The following SPMIP11 variants were observed in gnomAD, a reference collection of about 807,000 sequenced individuals.
The protein encoded by SPMIP11 is sperm microtubule inner protein 11.
the SPMIP11 span, among the ~76,000 whole-genome samples, chr12:48,727,940 A>G: frequency 3.3e-5 from 5 of 151,968 alleles, no homozygotes; most frequent in Admixed American, 3.3e-4. Flanking sequence ...GGTCCTAGCT[A>G]CTTGGGAGGC....
chr12:48,728,480 G>A, the SPMIP11 span, among the ~76,000 whole-genome samples: 7 of 152,076 alleles, frequency 4.6e-5, no homozygotes, highest in Middle Eastern at 3.2e-3. Context: ...AGGCCGAGGC[G>A]GGCGGATCAC....
the SPMIP11 span, among the ~76,000 whole-genome samples, chr12:48,755,819 T>C: frequency 2.0e-5 from 3 of 152,044 alleles, no homozygotes; most frequent in Non-Finnish European, 2.9e-5. Flanking sequence ...CCAATAACTA[T>C]TCTCAGTCTA....
At chr12:48,760,156 C>CT in the SPMIP11 span, among the ~76,000 whole-genome samples, 1 of 151,928 alleles carries the variant, frequency 6.6e-6, no homozygotes, top group African/African-American at 2.4e-5. Flanking sequence ...AGTTCTGCCT[C>CT]TTTTTTGATG....
chr12:48,746,600 C>G, the SPMIP11 span, among the ~76,000 whole-genome samples: 1 of 151,894 alleles, frequency 6.6e-6, no homozygotes, highest in Non-Finnish European at 1.5e-5. Context: ...CCCCTGACCC[C>G]GTGATCCACC....
chr12:48,749,393 C>CCAAGGCAGGCAGATCA, the SPMIP11 span, among the ~76,000 whole-genome samples: 5 of 151,966 alleles, frequency 3.3e-5, no homozygotes, highest in African/African-American at 1.2e-4. Context: ...CTTTGGGTGG[C>CCAAGGCAGGCAGATCA]CGAGGCAGGT....
chr12:48,759,724 A>G, the SPMIP11 span, among the ~76,000 whole-genome samples: 3 of 151,296 alleles, frequency 2.0e-5, no homozygotes, highest in African/African-American at 7.3e-5. Flanking sequence ...TCAGGCAGGA[A>G]GAAAAAAAAA....
the SPMIP11 span, chr12:48,727,641 T>G: frequency 1.5e-6 from 1 of 671,952 alleles, no homozygotes; most frequent in East Asian, 2.7e-5. Flanking sequence ...CTATTTATTT[T>G]CCTACCTGGG....
chr12:48,758,799 C>T, the SPMIP11 span, among the ~76,000 whole-genome samples: 1 of 152,216 alleles, frequency 6.6e-6, no homozygotes, highest in Admixed American at 6.5e-5. Flanking sequence ...CTGTAACCTA[C>T]CTCCTTCTTT....
At chr12:48,730,897 C>CA in the SPMIP11 span, among the ~76,000 whole-genome samples, 3 of 152,154 alleles carry the variant, frequency 2.0e-5, no homozygotes, top group Non-Finnish European at 4.4e-5. Flanking sequence ...GTGATCGCAT[C>CA]ATTGCACTCC....
the SPMIP11 span, among the ~76,000 whole-genome samples, chr12:48,738,539 C>CTT: frequency 2.8e-5 from 4 of 143,002 alleles, no homozygotes; most frequent in African/African-American, 5.1e-5. Context: ...TCTTTTTTTT[C>CTT]TTTTTTTTTT....
the SPMIP11 span, among the ~76,000 whole-genome samples, chr12:48,764,681 T>C: frequency 6.6e-6 from 1 of 152,210 alleles, no homozygotes; most frequent in Non-Finnish European, 1.5e-5. Context: ...TGTGAGATGC[T>C]AGAATCCGGA....
chr12:48,771,105 T>G, the SPMIP11 span: 1 of 892,220 alleles, frequency 1.1e-6, no homozygotes, highest in Admixed American at 2.2e-5. The surrounding 1 kb of genome is among the most constrained non-coding windows in gnomAD (Gnocchi z 4.3). Flanking sequence ...GCTGCTGCTA[T>G]CAGTGTAAGA....
chr12:48,750,938 C>G, the SPMIP11 span, among the ~76,000 whole-genome samples: 1 of 152,222 alleles, frequency 6.6e-6, no homozygotes, highest in African/African-American at 2.4e-5. Flanking sequence ...TTCAAATCAG[C>G]CACATTCCTT....
chr12:48,738,024 T>G, the SPMIP11 span, among the ~76,000 whole-genome samples: 2 of 150,958 alleles, frequency 1.3e-5, no homozygotes, highest in Admixed American at 6.6e-5. Context: ...GGAGTCTCCC[T>G]ATGTTGCCCA....
chr12:48,753,699 TTTTTTTTTTTTTTC>T, the SPMIP11 span, among the ~76,000 whole-genome samples: 2 of 147,954 alleles, frequency 1.4e-5, no homozygotes, highest in African/African-American at 4.9e-5. Context: ...TTTCTTTTTT[TTTTTTTTTTTTTTC>T]TTTTTTTGGA....
chr12:48,754,560 C>T, the SPMIP11 span, among the ~76,000 whole-genome samples: 4 of 151,988 alleles, frequency 2.6e-5, no homozygotes, highest in African/African-American at 9.7e-5. Flanking sequence ...ACGCCATTCT[C>T]CTGCCTCAGC....
chr12:48,728,088 G>A, the SPMIP11 span, among the ~76,000 whole-genome samples: 1 of 152,084 alleles, frequency 6.6e-6, no homozygotes, highest in East Asian at 1.9e-4. Context: ...AACCAAATAA[G>A]TGTATTCTTA....
chr12:48,748,330 T>C, the SPMIP11 span, among the ~76,000 whole-genome samples: 3 of 152,132 alleles, frequency 2.0e-5, no homozygotes, highest in Admixed American at 1.3e-4. Flanking sequence ...TATACAAATA[T>C]GCTATAATCT....
chr12:48,743,059 G>T, the SPMIP11 span, among the ~76,000 whole-genome samples: 1 of 151,728 alleles, frequency 6.6e-6, no homozygotes, highest in East Asian at 1.9e-4. Flanking sequence ...ACCAGCCTGG[G>T]CAACATGGTG....
Sources: allele counts gnomAD v4.1 joint callset (sites outside exome capture counted in the v4.1 genomes callset), GRCh38; gene constraint gnomAD v4.1.1; non-coding constraint Gnocchi (gnomAD v3.1); transcripts MANE v1.5; gene names NCBI Gene and HGNC (gene_info 2026-07-23, HGNC 2026-07-21).